The following ZNF532 variants were observed in gnomAD, a reference collection of about 807,000 sequenced individuals.
ZNF532 encodes the protein zinc finger protein 532.
A neutral mutation model predicts 89.3 loss-of-function variants in ZNF532; 22 were observed. The observed-to-expected ratio is 0.25, with a 90% CI of 0.18 to 0.35. The LOEUF (loss-of-function observed/expected upper bound fraction) is 0.35, where lower values mean the gene tolerates loss of function less well. ZNF532 is among the 10% of genes least tolerant of loss of function. The pLI, the probability that ZNF532 is intolerant of heterozygous loss-of-function variation, is 1.00. For missense variants in ZNF532, 1,132 were observed against 1,643.4 expected (o/e 0.69, Z 5.38); for synonymous variants, 606 against 649.6 (o/e 0.93, Z 1.02).
At chr18:58,884,557 C>CA (rs1307410733) in intron 2 of ZNF532, among the ~76,000 whole-genome samples, 2 of 152,200 alleles carry the variant, frequency 1.3e-5, no homozygotes, top group Non-Finnish European at 2.9e-5. Context: ...TTTCTATACT[C>CA]AAAACATCAC....
intron 2 of ZNF532, among the ~76,000 whole-genome samples, chr18:58,903,991 G>A (rs1397574568): frequency 6.6e-6 from 1 of 152,188 alleles, no homozygotes; most frequent in Non-Finnish European, 1.5e-5. Context: ...AACTTCCCCT[G>A]CATGCTCTCC....
intron 2 of ZNF532, among the ~76,000 whole-genome samples, chr18:58,912,014 C>T (rs1480340967): frequency 1.3e-5 from 2 of 151,916 alleles, no homozygotes; most frequent in Admixed American, 1.3e-4. Flanking sequence ...TCCTGATGTG[C>T]GAGGTGGGGA....
intron 2 of ZNF532, among the ~76,000 whole-genome samples, chr18:58,890,273 C>CATAT (rs747097762): frequency 6.7e-6 from 1 of 149,838 alleles, no homozygotes. Flanking sequence ...CACACACATA[C>CATAT]ATATATATAT....
chr18:58,948,377 G>T (rs1275706503), intron 6 of ZNF532, 148 bp downstream of exon 6: 1 of 708,630 alleles, frequency 1.4e-6, no homozygotes, highest in African/African-American at 1.8e-5. Flanking sequence ...CAACTTACAT[G>T]CTGTCATCAT....
intron 6 of ZNF532, among the ~76,000 whole-genome samples, chr18:58,950,667 A>G (rs942744353): frequency 2.0e-5 from 3 of 151,372 alleles, no homozygotes; most frequent in Non-Finnish European, 2.9e-5. Flanking sequence ...TTCTCCTACC[A>G]AAATATAAAC....
intron 7 of ZNF532, among the ~76,000 whole-genome samples, chr18:58,974,731 C>G (rs1251727776): frequency 6.6e-6 from 1 of 152,212 alleles, no homozygotes; most frequent in East Asian, 1.9e-4. Flanking sequence ...CATCCATCCA[C>G]AGCTGGTGTT....
At chr18:58,911,103 T>C (rs114100807) in intron 2 of ZNF532, among the ~76,000 whole-genome samples, 2 of 152,162 alleles carry the variant, frequency 1.3e-5, no homozygotes, top group Non-Finnish European at 2.9e-5. Context: ...GGGGAGATAC[T>C]GGGAGGAGCA....
intron 5 of ZNF532, among the ~76,000 whole-genome samples, chr18:58,941,972 C>CTCCCTCCTTCCCTCCT (rs200257020): frequency 8.3e-4 from 108 of 129,614 alleles, no homozygotes; most frequent in Non-Finnish European, 1.1e-3. Flanking sequence ...CTCTCCCTCC[C>CTCCCTCCTTCCCTCCT]TCCCTCCTTC....
At chr18:58,863,238 C>G (rs1433212383), upstream of ZNF532, 1 of 152,022 alleles carries the variant, frequency 6.6e-6, no homozygotes, top group Non-Finnish European at 1.5e-5. Context: ...AAGCAGCCCT[C>G]CCTGCGCCCC....
intron 7 of ZNF532, among the ~76,000 whole-genome samples, chr18:58,956,384 AAT>A (rs746883222): frequency 2.0e-5 from 3 of 152,210 alleles, no homozygotes; most frequent in Non-Finnish European, 4.4e-5. Context: ...CTCCTGAGAG[AAT>A]GAAGGAGATG....
At chr18:58,954,586 G>C (rs139526840) in intron 7 of ZNF532, among the ~76,000 whole-genome samples, 286 of 148,176 alleles carry the variant, frequency 1.9e-3, no homozygotes, top group Non-Finnish European at 3.1e-3. Flanking sequence ...ATGTATGGTT[G>C]ATTTCTTAGA....
chr18:58,905,385 C>T (rs972007589), intron 2 of ZNF532, among the ~76,000 whole-genome samples: 5 of 149,478 alleles, frequency 3.3e-5, no homozygotes, highest in Non-Finnish European at 5.9e-5. Context: ...TTCCCAGGTT[C>T]TCCATTTTTT....
At chr18:58,939,962 T>G (rs573403655) in intron 5 of ZNF532, 135 of 163,876 alleles carry the variant, frequency 8.2e-4, no homozygotes, top group Admixed American at 2.1e-3. Flanking sequence ...GGTGCGATCT[T>G]GGCTCACTGC....
chr18:58,877,690 C>T (rs372257612), intron 2 of ZNF532, among the ~76,000 whole-genome samples: 23 of 152,320 alleles, frequency 1.5e-4, no homozygotes, highest in Middle Eastern at 3.4e-3. Flanking sequence ...GTGCAGAATC[C>T]TGTGCCTGGC....
chr18:58,888,734 A>G, intron 2 of ZNF532, among the ~76,000 whole-genome samples: 1 of 55,212 alleles, frequency 1.8e-5, no homozygotes, highest in South Asian at 5.9e-4. Flanking sequence ...TAAATTATAT[A>G]TATATATTTT....
upstream of ZNF532, chr18:58,864,121 C>G (rs942861279): frequency 2.6e-5 from 4 of 152,430 alleles, no homozygotes; most frequent in African/African-American, 9.7e-5. Flanking sequence ...CTCCGTGCCC[C>G]CTCTCCCACT....
chr18:58,981,492 A>G lies in ZNF532; in HGVS notation c.3286A>G (p.Thr1096Ala). The G allele has an allele frequency of 6.2e-7, 1 of 1,613,336 alleles. No individual in the cohort carries two copies. ...CAGGCACTGCCCAGACTCCAGACGT[A>G]CCTTTACCAAACGTTTGATGCTGGA... ...ACSHCPDSRR[T>A]FTKRLMLEKH... Residue 1096 changes from threonine to alanine, a missense_variant, in exon 9 of 10, where the codon ACC (threonine) becomes GCC (alanine). By Grantham distance (58) the Thr-to-Ala change is moderately conservative. Transcript: ENST00000591808.
Position 58,928,414 on chromosome 18 carries a change from C to G in ZNF532, c.2347-6019C>G, listed in dbSNP as rs1323936335. Among the ~76,000 whole-genome samples the G allele has an allele frequency of 9.8e-5, 15 of 152,336 alleles. No homozygotes were observed. In the South Asian group the frequency reaches 2.9e-3, roughly 29 times the overall value. Reference sequence around the variant, plus strand: ...AAGCACCACTTCCTTATGAACTGGTCTATGCTCAGTGACCCCCAAGAGCAG... The same window carrying G: ...AAGCACCACTTCCTTATGAACTGGTGTATGCTCAGTGACCCCCAAGAGCAG... On this transcript the variant is annotated intron_variant, in intron 3 of 9. Coordinates refer to ENST00000591808, the MANE Select transcript of ZNF532 (RefSeq NM_001375912.1).
chr18:58,882,302 G>A (rs190884851), intron 2 of ZNF532, among the ~76,000 whole-genome samples: 1 of 152,284 alleles, frequency 6.6e-6, no homozygotes, highest in Admixed American at 6.5e-5. Context: ...AAGTCATCTT[G>A]GGTTGATGCA....
Sources: gnomAD v4.1 joint callset for allele counts (sites outside exome capture counted in the v4.1 genomes callset) on GRCh38, gnomAD v4.1.1 for gene constraint, MANE v1.5 for transcripts, NCBI Gene and HGNC (gene_info 2026-07-23, HGNC 2026-07-21) for gene names.